RHOH: variants seen among roughly 807,000 people sequenced by gnomAD.
RHOH encodes rho-related GTP-binding protein RhoH.
Under a neutral mutation model 13.8 loss-of-function variants are expected in RHOH, and 6 were observed. The ratio of observed to expected loss-of-function variants is 0.44; its 90% CI spans 0.24 to 0.86. The LOEUF (loss-of-function observed/expected upper bound fraction) is 0.86. Among genes scored for constraint, RHOH ranks in the 40% least tolerant of loss-of-function variants. The probability of loss-of-function intolerance (pLI) is 0.24; values close to 1 mark genes in which losing one functional copy is unlikely to be tolerated. For missense variants in RHOH, 147 were observed against 244.5 expected (o/e 0.60, Z 2.66); for synonymous variants, 117 against 103.0 (o/e 1.14, Z -0.82).
At chr4:40,195,354 T>TTCC (rs1553932214), upstream of RHOH, among the ~76,000 whole-genome samples, 11 of 92,046 alleles carry the variant, frequency 1.2e-4, no homozygotes, top group African/African-American at 4.7e-4. Context: ...CTTTCTTTCT[T>TTCC]TTCCTTCCTT....
chr4:40,238,665 C>T (rs1728875470), intron 1 of RHOH, among the ~76,000 whole-genome samples: 1 of 152,184 alleles, frequency 6.6e-6, no homozygotes, highest in Admixed American at 6.5e-5. Flanking sequence ...ATTATGGAGA[C>T]CCCGGAGGCT....
intron 1 of RHOH, among the ~76,000 whole-genome samples, chr4:40,199,229 G>T (rs181596948): frequency 0.01 from 1,559 of 151,560 alleles, 23 homozygotes; most frequent in African/African-American, 0.036. Flanking sequence ...GTGCCTGACT[G>T]AAAAAAAAAT....
At chr4:40,204,675 T>C (rs1724430111) in intron 1 of RHOH, among the ~76,000 whole-genome samples, 2 of 152,180 alleles carry the variant, frequency 1.3e-5, no homozygotes, top group Admixed American at 1.3e-4. Flanking sequence ...GTTCTGGTTA[T>C]TACTGACATC....
upstream of RHOH, among the ~76,000 whole-genome samples, chr4:40,195,999 C>T (rs112475126): frequency 1.1e-4 from 16 of 152,360 alleles, no homozygotes; most frequent in African/African-American, 3.6e-4. Flanking sequence ...TTTCCCACCT[C>T]AGGGCCTTTG....
rs1028303826 is a variant in RHOH, at chr4:40,240,355, C to G, written c.-330-2359C>G. On this transcript the variant is annotated intron_variant, in intron 1 of 2. Coordinates refer to ENST00000381799, the MANE Select transcript of RHOH (RefSeq NM_004310.5). ...TTAGCTGATCTTGGTGGTGAGTGCT[C>G]ATAGTCCTAGCTACTTGGGAGGCTG... The G allele has an allele frequency of 2.0e-5, 3 of 152,128 alleles. No homozygotes were observed. In the East Asian group the frequency reaches 5.8e-4, roughly 29 times the overall value. 9.4% of individuals were successfully genotyped at this position (152,128 alleles called of 1,614,324 possible). A position where few individuals can be genotyped will look rare whatever the true frequency, so the allele number is the denominator to read the frequency against.
intron 1 of RHOH, among the ~76,000 whole-genome samples, chr4:40,204,200 T>G (rs1248226439): frequency 6.6e-6 from 1 of 152,226 alleles, no homozygotes; most frequent in Non-Finnish European, 1.5e-5. Context: ...CAATGTCTCG[T>G]GCTCTTCTTA....
chr4:40,234,450 G>A (rs919899916), intron 1 of RHOH, among the ~76,000 whole-genome samples: 7 of 152,126 alleles, frequency 4.6e-5, no homozygotes, highest in Admixed American at 2.0e-4. Context: ...CTCAGGCAAC[G>A]ATTCCTTGAT....
At chr4:40,235,895 T>C (rs1224569396) in intron 1 of RHOH, among the ~76,000 whole-genome samples, 1 of 151,758 alleles carries the variant, frequency 6.6e-6, no homozygotes, top group Non-Finnish European at 1.5e-5. Flanking sequence ...GGCAGGAGGA[T>C]TGTTTGAACC....
At chr4:40,206,703 T>A (rs886496409) in intron 1 of RHOH, among the ~76,000 whole-genome samples, 6 of 152,186 alleles carry the variant, frequency 3.9e-5, no homozygotes, top group Non-Finnish European at 8.8e-5. Flanking sequence ...AAACCCTTAC[T>A]TATTGACAAT....
chr4:40,208,930 A>C (rs1270552873), intron 1 of RHOH, among the ~76,000 whole-genome samples: 1 of 152,082 alleles, frequency 6.6e-6, no homozygotes, highest in Non-Finnish European at 1.5e-5. Context: ...TGAATTCAGA[A>C]TATGGAGGTA....
At chr4:40,232,154 T>G (rs1728018478) in intron 1 of RHOH, among the ~76,000 whole-genome samples, 1 of 152,252 alleles carries the variant, frequency 6.6e-6, no homozygotes, top group South Asian at 2.1e-4. Flanking sequence ...TTAACTTGGC[T>G]TCAATGCCTG....
upstream of RHOH, among the ~76,000 whole-genome samples, chr4:40,194,549 G>C (rs780369389): frequency 1.3e-5 from 2 of 151,650 alleles, no homozygotes; most frequent in Non-Finnish European, 2.9e-5. Flanking sequence ...GTTATTATTA[G>C]TATTATTTTA....
In RHOH at chr4:40,229,146, T is replaced by A. The variant is rs1727591536; in HGVS notation, c.-330-13568T>A. 3.3e-5 allele frequency among the ~76,000 whole-genome samples: 5 copies of A among 152,306 alleles called. No individual in the cohort carries two copies. The South Asian group carries it at 1.0e-3, about 32-fold the overall frequency. On this transcript the variant is annotated intron_variant, in intron 1 of 2. Coordinates refer to ENST00000381799, the MANE Select transcript of RHOH (RefSeq NM_004310.5). ...TCTTCCCTGACTTGTCTGGGAATCC[T>A]TACCCAGGACTGTGGCTTTCCTCTT...
At chr4:40,210,105 TGTGTG>T (rs1725088940) in intron 1 of RHOH, among the ~76,000 whole-genome samples, 2 of 151,912 alleles carry the variant, frequency 1.3e-5, no homozygotes, top group African/African-American at 4.8e-5. Context: ...TGTGTGTGTG[TGTGTG>T]TGTGTGTGTG....
In RHOH at chr4:40,228,651, GTCTATCCAGACA is replaced by G. The variant is rs573964900; in HGVS notation, c.-330-14060_-330-14049del. ...GGGAAGTATCTTGAACTTGGTGGAG[GTCTATCCAGACA>G]TCAGGCAGATTTCATATTTTCACAG... On this transcript the variant is annotated intron_variant, in intron 1 of 2. Transcript: ENST00000381799. Among the ~76,000 whole-genome samples the G allele has an allele frequency of 3.4e-3, 525 of 152,204 alleles. 5 individuals carry two copies. Among genetic ancestry groups the G allele is most frequent in the African/African-American group, 0.012 (482 of 41,514 alleles).
At chr4:40,231,279 A>G (rs1727902429) in intron 1 of RHOH, among the ~76,000 whole-genome samples, 1 of 149,086 alleles carries the variant, frequency 6.7e-6, no homozygotes, top group African/African-American at 2.5e-5. Context: ...TCAATATAGG[A>G]GCAAATTGGT....
intron 1 of RHOH, among the ~76,000 whole-genome samples, chr4:40,199,087 T>G (rs1723615548): frequency 6.6e-6 from 1 of 151,738 alleles, no homozygotes; most frequent in African/African-American, 2.4e-5. Flanking sequence ...GTTACTTAAC[T>G]TCTTCAATGC....
At chr4:40,203,180 G>T (rs1192822027) in intron 1 of RHOH, among the ~76,000 whole-genome samples, 1 of 152,130 alleles carries the variant, frequency 6.6e-6, no homozygotes, top group African/African-American at 2.4e-5. Flanking sequence ...CACCGTGTTA[G>T]CCAGGATGGT....
intron 1 of RHOH, among the ~76,000 whole-genome samples, chr4:40,208,900 T>C (rs1579251782): frequency 6.6e-6 from 1 of 152,020 alleles, no homozygotes; most frequent in Non-Finnish European, 1.5e-5. Flanking sequence ...TAAAAAGGCC[T>C]ATATATGTAT....
Sources: gnomAD v4.1 joint callset for allele counts (sites outside exome capture counted in the v4.1 genomes callset) on GRCh38, gnomAD v4.1.1 for gene constraint, MANE v1.5 for transcripts, NCBI Gene and HGNC (gene_info 2026-07-23, HGNC 2026-07-21) for gene names.